TCF7L1: variants seen among roughly 807,000 people sequenced by gnomAD.
TCF7L1 encodes transcription factor 7 like 1.
TCF7L1 carries 18 observed loss-of-function variants against 63.7 expected under a neutral mutation model. That is an observed-to-expected ratio of 0.28 (90% CI 0.20 to 0.42). The LOEUF is 0.42. TCF7L1 is among the 10% of genes least tolerant of loss of function. The pLI is 1.00. For missense variants in TCF7L1, 654 were observed against 779.3 expected, an observed-to-expected ratio of 0.84 and a Z score of 1.91; for synonymous variants, 355 against 340.9, an observed-to-expected ratio of 1.04 and a Z score of -0.46.
intron 3 of TCF7L1, among the ~76,000 whole-genome samples, chr2:85,211,038 A>T (rs1433609825): frequency 6.6e-6 from 1 of 152,190 alleles, no homozygotes; most frequent in Non-Finnish European, 1.5e-5. Flanking sequence ...AAAATAGGCC[A>T]CACAGTAGAG....
chr2:85,247,143 GA>G (rs1404717822), intron 3 of TCF7L1, among the ~76,000 whole-genome samples: 3 of 152,176 alleles, frequency 2.0e-5, no homozygotes, highest in Non-Finnish European at 4.4e-5. Context: ...CAGTTCAACA[GA>G]ATCCATTTTC....
chr2:85,255,493 TGA>T (rs775166931), intron 3 of TCF7L1, among the ~76,000 whole-genome samples: 1 of 152,210 alleles, frequency 6.6e-6, no homozygotes, highest in Non-Finnish European at 1.5e-5. Flanking sequence ...CCCTTCTTGC[TGA>T]GAGACCAGGC....
intron 5 of TCF7L1, among the ~76,000 whole-genome samples, chr2:85,303,155 C>T (rs574929288): frequency 8.9e-4 from 135 of 152,242 alleles, no homozygotes; most frequent in African/African-American, 3.1e-3. Flanking sequence ...CTCAGCCTCC[C>T]GAGTTGCTGG....
At chr2:85,295,462 A>G (rs891136598) in intron 4 of TCF7L1, among the ~76,000 whole-genome samples, 2 of 152,124 alleles carry the variant, frequency 1.3e-5, no homozygotes, top group Admixed American at 6.5e-5. Context: ...CGGCCTCCCA[A>G]AGTGCTGGGA....
chr2:85,230,143 T>C (rs1390557366), intron 3 of TCF7L1, among the ~76,000 whole-genome samples: 1 of 152,232 alleles, frequency 6.6e-6, no homozygotes, highest in Non-Finnish European at 1.5e-5. Context: ...TTTTTTCACT[T>C]CATACTTTAT....
In TCF7L1 at chr2:85,295,775, C is replaced by CCT. The variant is rs1298988224; in HGVS notation, c.526-6709_526-6708insCT. ...CTCAAAATGAAGAAAGTAACATTTA[C>CCT]TTTTTTTTTTTTTTTTTTTTTTGAG... is the stretch of plus-strand genomic sequence containing the variant. On this transcript the variant is annotated intron_variant, in intron 4 of 11. Coordinates refer to ENST00000282111, the MANE Select transcript of TCF7L1 (RefSeq NM_031283.3). 1.1e-4 allele frequency among the ~76,000 whole-genome samples: 11 copies of CCT among 100,882 alleles called. No homozygotes were observed. The East Asian group carries it at 3.3e-3, about 30-fold the overall frequency. The allele number at this position is 100,882 out of a possible 152,430, so 66.2% of individuals were successfully genotyped here.
At chr2:85,174,060 A>C (rs1678620963) in intron 3 of TCF7L1, among the ~76,000 whole-genome samples, 1 of 152,134 alleles carries the variant, frequency 6.6e-6, no homozygotes, top group Admixed American at 6.5e-5. Flanking sequence ...AAAGGGTACA[A>C]TTCAGCAGTT....
At chr2:85,256,326 G>C (rs1261758086) in intron 3 of TCF7L1, among the ~76,000 whole-genome samples, 1 of 152,248 alleles carries the variant, frequency 6.6e-6, no homozygotes, top group Non-Finnish European at 1.5e-5. Context: ...TGTAAGGATG[G>C]GGAGGGAGGA....
chr2:85,235,433 C>A (rs1680168262), intron 3 of TCF7L1, among the ~76,000 whole-genome samples: 1 of 151,574 alleles, frequency 6.6e-6, no homozygotes. Context: ...TCTGGGGATG[C>A]TGGGAATGTG....
intron 3 of TCF7L1, among the ~76,000 whole-genome samples, chr2:85,152,147 G>T (rs1417946563): frequency 6.6e-6 from 1 of 152,150 alleles, no homozygotes; most frequent in Non-Finnish European, 1.5e-5. Flanking sequence ...ATGCTTCTCT[G>T]CTTACTGGTC....
chr2:85,304,082 G>C (rs1682049108), intron 6 of TCF7L1, 85 bp downstream of exon 6: 2 of 1,253,812 alleles, frequency 1.6e-6, no homozygotes, highest in South Asian at 1.3e-5. Context: ...GCACAGTGGA[G>C]CCCCCTCAGA....
In TCF7L1 at chr2:85,309,323, C is replaced by A. The variant is rs746616890; in HGVS notation, c.1628C>A (p.Ser543Tyr). The change falls in exon 12 of 12, where the codon TCC becomes TAC. Residue 543 changes from serine to tyrosine, a missense_variant. Physicochemically the swap from Ser to Tyr is moderately radical, Grantham distance 144. This residue lies in a region of TCF7L1 where 184 missense variants were observed against 204.0 expected (regional missense o/e 0.90). Transcript: ENST00000282111. ...ATGGGCAGCCAGCCTCCCCTCCTGTCCCGGCCCCTCCCCCTTGGGTCCATG... is the reference window on the plus strand; with the variant it reads ...ATGGGCAGCCAGCCTCCCCTCCTGTACCGGCCCCTCCCCCTTGGGTCCATG... ...GQMGSQPPLL[S>Y]RPLPLGSMPT... The A allele has an allele frequency of 6.2e-7, 1 of 1,612,954 alleles. No homozygotes were observed. The highest frequency in any genetic ancestry group is 1.7e-5 in the Admixed American group (1 of 59,944).
chr2:85,136,135 C>G (rs1035601814), intron 3 of TCF7L1, among the ~76,000 whole-genome samples: 1 of 152,150 alleles, frequency 6.6e-6, no homozygotes, highest in Non-Finnish European at 1.5e-5. Flanking sequence ...GCACTAGCAT[C>G]TGTGCATCAG....
chr2:85,153,107 C>T (rs1678058122), intron 3 of TCF7L1, among the ~76,000 whole-genome samples: 2 of 152,194 alleles, frequency 1.3e-5, no homozygotes, highest in African/African-American at 2.4e-5. Context: ...GGCAGAAGTT[C>T]AGTCCTTCTG....
intron 3 of TCF7L1, among the ~76,000 whole-genome samples, chr2:85,147,067 G>A (rs1171079603): frequency 6.6e-6 from 1 of 152,158 alleles, no homozygotes; most frequent in Non-Finnish European, 1.5e-5. Flanking sequence ...TCTAGGTGGA[G>A]ATACACGGGC....
At chr2:85,185,789 G>C (rs1189403779) in intron 3 of TCF7L1, among the ~76,000 whole-genome samples, 1 of 152,098 alleles carries the variant, frequency 6.6e-6, no homozygotes, top group Non-Finnish European at 1.5e-5. Context: ...CTGATAGAGA[G>C]GAAGGTGGTC....
At chr2:85,288,672 G>A (rs1022192678) in intron 4 of TCF7L1, among the ~76,000 whole-genome samples, 1 of 152,180 alleles carries the variant, frequency 6.6e-6, no homozygotes, top group Non-Finnish European at 1.5e-5. Context: ...AACTGGGCCC[G>A]GGTGCGGGAT....
intron 3 of TCF7L1, among the ~76,000 whole-genome samples, chr2:85,144,654 A>G (rs1022806469): frequency 1.3e-5 from 2 of 151,650 alleles, no homozygotes; most frequent in African/African-American, 2.4e-5. Flanking sequence ...ACATTTACAC[A>G]GTTATTTTGG....
intron 3 of TCF7L1, among the ~76,000 whole-genome samples, chr2:85,258,555 C>T (rs1680779193): frequency 6.6e-6 from 1 of 152,144 alleles, no homozygotes. Flanking sequence ...GCTCTCTTAC[C>T]ACCACCGCAT....
Sources: gnomAD v4.1 joint callset for allele counts (sites outside exome capture counted in the v4.1 genomes callset) on GRCh38, gnomAD v4.1.1 for gene constraint, gnomAD v4.1.1 regional missense constraint, MANE v1.5 for transcripts, NCBI Gene and HGNC (gene_info 2026-07-23, HGNC 2026-07-21) for gene names.